Variants in C14orf132 observed in about 807,000 individuals in gnomAD.
The protein encoded by C14orf132 is chromosome 14 open reading frame 132, also known as uncharacterized protein C14orf132.
C14orf132 carries 6 observed loss-of-function variants against 5.8 expected under a neutral mutation model. That is an observed-to-expected ratio of 1.03 (90% CI 0.57 to 2.04). The LOEUF is 2.04. Ranked by LOEUF, C14orf132 falls within the 30% of genes most tolerant of loss-of-function variation. The pLI is 0.00. For synonymous variants in C14orf132, 51 were observed against 49.8 expected (o/e 1.02, Z -0.10); for missense variants, 125 against 115.8 (o/e 1.08, Z -0.37).
intron 1 of C14orf132, among the ~76,000 whole-genome samples, chr14:96,045,880 G>A (rs552451452): frequency 2.6e-5 from 4 of 152,296 alleles, no homozygotes; most frequent in Admixed American, 6.5e-5. Flanking sequence ...GTTTTTGCCC[G>A]AGTGGCATCA....
chr14:96,055,030 G>C (rs1197620738), intron 1 of C14orf132, among the ~76,000 whole-genome samples: 1 of 152,220 alleles, frequency 6.6e-6, no homozygotes, highest in East Asian at 1.9e-4. Flanking sequence ...GTCAAGAACT[G>C]TGAGGGGTTT....
At chr14:96,042,571 G>A (rs1163261633) in intron 1 of C14orf132, among the ~76,000 whole-genome samples, 1 of 152,200 alleles carries the variant, frequency 6.6e-6, no homozygotes, top group Non-Finnish European at 1.5e-5. Context: ...AGAAGACCCA[G>A]AACACATAAG....
intron 1 of C14orf132, among the ~76,000 whole-genome samples, chr14:96,068,019 A>T (rs1324423172): frequency 6.6e-6 from 1 of 152,216 alleles, no homozygotes; most frequent in Non-Finnish European, 1.5e-5. Context: ...CATATCTGGC[A>T]TATAGCGGGC....
rs1356018712 is a variant in C14orf132 at position 96,057,473 on chromosome 14, G to A, written c.27+17946G>A. On this transcript the variant is annotated intron_variant, in intron 1 of 1. Coordinates refer to ENST00000555004, the MANE Select transcript of C14orf132 (RefSeq NM_001252507.3). ...TTATAGCAGCACAAACAAGCTAAAC[G>A]AAGACCGGTTCCAATGGCTGGAGCT... 2.6e-5 allele frequency among the ~76,000 whole-genome samples: 4 copies of A among 152,176 alleles called. No individual in the cohort carries two copies. The South Asian group carries it at 6.2e-4, about 24-fold the overall frequency.
At chr14:96,051,206 A>T in intron 1 of C14orf132, 1 of 398,652 alleles carries the variant, frequency 2.5e-6, no homozygotes, top group Non-Finnish European at 4.4e-6. Flanking sequence ...TGCCGTTGCC[A>T]CTTGGAGTTC....
At chr14:96,049,531 T>C (rs1226069517) in intron 1 of C14orf132, among the ~76,000 whole-genome samples, 1 of 143,314 alleles carries the variant, frequency 7.0e-6, no homozygotes, top group Admixed American at 7.1e-5. Flanking sequence ...TATATACACA[T>C]ATATACATAC....
chr14:96,080,848 C>A (rs536177005), intron 1 of C14orf132, among the ~76,000 whole-genome samples: 5 of 152,312 alleles, frequency 3.3e-5, no homozygotes, highest in African/African-American at 1.2e-4. Flanking sequence ...GCCTGGGGCA[C>A]CCTTCTGAAT....
chr14:96,089,439 G>C lies in C14orf132; in HGVS notation c.*2704G>C, dbSNP rs1291497999. 1 of 152,330 alleles carries C rather than the reference G, an allele frequency of 6.6e-6. No homozygotes were observed. The highest frequency in any genetic ancestry group is 6.5e-5 in the Admixed American group (1 of 15,288). The allele number at this position is 152,330 out of a possible 1,614,324, so 9.4% of individuals were successfully genotyped here. On this transcript the variant is annotated 3_prime_UTR_variant, in exon 2 of 2. Transcript: ENST00000555004. ...AGTGATGAGCTAGGATTTGAATCTGGGAAGTTGGGCTCTAGAGCCAGACTG... is the reference window on the plus strand; with the variant it reads ...AGTGATGAGCTAGGATTTGAATCTGCGAAGTTGGGCTCTAGAGCCAGACTG...
In C14orf132 at chr14:96,046,846, G is replaced by A. The variant is rs183199415; in HGVS notation, c.27+7319G>A. Reference sequence around the variant, plus strand: ...ATCATTTTTCACAGAGGGGAAAAAAGACACAAAAGACATCTCTTCCTATTG... The same window carrying A: ...ATCATTTTTCACAGAGGGGAAAAAAAACACAAAAGACATCTCTTCCTATTG... On this transcript the variant is annotated intron_variant, in intron 1 of 1. Coordinates refer to ENST00000555004, the MANE Select transcript of C14orf132 (RefSeq NM_001252507.3). Among the ~76,000 whole-genome samples the A allele has an allele frequency of 1.8e-3, 280 of 152,328 alleles. 1 individual carries two copies. Among genetic ancestry groups the A allele is most frequent in the African/African-American group, 6.6e-3 (273 of 41,566 alleles).
At chr14:96,055,772 C>T (rs2139653066) in intron 1 of C14orf132, among the ~76,000 whole-genome samples, 1 of 152,312 alleles carries the variant, frequency 6.6e-6, no homozygotes, top group African/African-American at 2.4e-5. Flanking sequence ...GCCAAGATCA[C>T]TGTGATTTAG....
chr14:96,054,367 T>C (rs541558159), intron 1 of C14orf132, among the ~76,000 whole-genome samples: 8 of 152,308 alleles, frequency 5.3e-5, no homozygotes, highest in Non-Finnish European at 1.2e-4. Flanking sequence ...GTAGTTATGA[T>C]ACGTTGCCAC....
chr14:96,048,215 T>A (rs1886886871), intron 1 of C14orf132, among the ~76,000 whole-genome samples: 1 of 152,032 alleles, frequency 6.6e-6, no homozygotes, highest in Non-Finnish European at 1.5e-5. Flanking sequence ...CACTCCAAAG[T>A]CCATAGTTTA....
At chr14:96,058,604 C>T (rs2139655913) in intron 1 of C14orf132, among the ~76,000 whole-genome samples, 1 of 152,280 alleles carries the variant, frequency 6.6e-6, no homozygotes, top group Non-Finnish European at 1.5e-5. Flanking sequence ...CAGCCAGACA[C>T]TCAGGCATGT....
At position 96,091,782 on chromosome 14, in the gene C14orf132, T is replaced by C. The variant is rs1400730680; in HGVS notation, c.*5047T>C. 1 of 137,298 alleles carries C rather than the reference T, an allele frequency of 7.3e-6. No individual in the cohort carries two copies. The highest frequency in any genetic ancestry group is 2.8e-5 in the African/African-American group (1 of 35,930). 8.5% of individuals were successfully genotyped at this position (137,298 alleles called of 1,614,324 possible). A position where few individuals can be genotyped will look rare whatever the true frequency, so the allele number is the denominator to read the frequency against. ...GACCATGGTCACTCACGGAGAGGGA[T>C]GGAGGAGAAGGTGGTTGAACTGAGT... On this transcript the variant is annotated 3_prime_UTR_variant, in exon 2 of 2. Coordinates refer to ENST00000555004, the MANE Select transcript of C14orf132 (RefSeq NM_001252507.3).
At chr14:96,083,900 C>T (rs1369476247) in intron 1 of C14orf132, among the ~76,000 whole-genome samples, 4 of 152,276 alleles carry the variant, frequency 2.6e-5, no homozygotes, top group South Asian at 2.1e-4. Context: ...CACCCTGACC[C>T]GTTTGGCAGG....
In C14orf132 at chr14:96,086,666, A is replaced by G; in HGVS notation, c.183A>G (p.Leu61=). 1 of 1,536,138 alleles carries G rather than the reference A, an allele frequency of 6.5e-7. No homozygotes were observed. The highest frequency in any genetic ancestry group is 8.7e-7 in the Non-Finnish European group (1 of 1,146,910). ...GGTCCTCCAACGACGCCGTCTTGCT[A>G]TGGATTGCCATCATAGCTACGCTGG... is the stretch of plus-strand genomic sequence containing the variant. ...PPRSSNDAVL[L]WIAIIATLGN... is the part of the protein sequence containing the mutation. The change falls in exon 2 of 2, where the codon CTA becomes CTG. Residue 61 remains leucine, a synonymous_variant. Coordinates refer to ENST00000555004, the MANE Select transcript of C14orf132 (RefSeq NM_001252507.3).
At chr14:96,071,024 G>C (rs1370879536) in intron 1 of C14orf132, among the ~76,000 whole-genome samples, 1 of 152,154 alleles carries the variant, frequency 6.6e-6, no homozygotes, top group Admixed American at 6.5e-5. Context: ...AATGAGGTTT[G>C]TATTAGTCCA....
chr14:96,079,222 C>G (rs566665612), intron 1 of C14orf132, among the ~76,000 whole-genome samples: 118 of 152,284 alleles, frequency 7.7e-4, no homozygotes, highest in African/African-American at 2.7e-3. Context: ...CACGCCATAG[C>G]ACCTTAGGAG....
rs1237643653 is a variant in C14orf132 at position 96,088,689 on chromosome 14, C to T, written c.*1954C>T. On this transcript the variant is annotated 3_prime_UTR_variant, in exon 2 of 2. Transcript: ENST00000555004. ...ACTCTGCCCCACATGCTCAAATCTTCCCTCTGGCCCCACATCCCTAGGAGG... is the reference window on the plus strand; with the variant it reads ...ACTCTGCCCCACATGCTCAAATCTTTCCTCTGGCCCCACATCCCTAGGAGG... 6.6e-6 allele frequency: 1 copy of T among 152,264 alleles called. No individual in the cohort carries two copies. Among genetic ancestry groups the T allele is most frequent in the Non-Finnish European group, 1.5e-5 (1 of 68,074 alleles). The allele number at this position is 152,264 out of a possible 1,614,324, so 9.4% of individuals were successfully genotyped here. A position where few individuals can be genotyped will look rare whatever the true frequency, so the allele number is the denominator to read the frequency against.
Sources: gnomAD v4.1 joint callset for allele counts (sites outside exome capture counted in the v4.1 genomes callset) on GRCh38, gnomAD v4.1.1 for gene constraint, MANE v1.5 for transcripts, NCBI Gene and HGNC (gene_info 2026-07-23, HGNC 2026-07-21) for gene names.